The following AUTS2 variants were observed in gnomAD, a reference collection of about 807,000 sequenced individuals.
The protein encoded by AUTS2 is autism susceptibility gene 2 protein.
A neutral mutation model predicts 112.4 loss-of-function variants in AUTS2; 17 were observed. That is an observed-to-expected ratio of 0.15 (90% CI 0.10 to 0.23). The LOEUF is 0.23. Among genes scored for constraint, AUTS2 ranks in the 10% least tolerant of loss-of-function variants. The pLI, the probability that AUTS2 is intolerant of heterozygous loss-of-function variation, is 1.00. For missense variants in AUTS2, 1,510 were observed against 1,701.6 expected (o/e 0.89, Z 1.98); for synonymous variants, 751 against 702.7 (o/e 1.07, Z -1.09).
intron 1 of AUTS2, among the ~76,000 whole-genome samples, chr7:69,758,062 G>T (rs1788015850): frequency 6.6e-6 from 1 of 152,174 alleles, no homozygotes; most frequent in Non-Finnish European, 1.5e-5. Flanking sequence ...TTCTTGAAGG[G>T]TAAGGATGTG....
intron 1 of AUTS2, among the ~76,000 whole-genome samples, chr7:69,621,535 G>C (rs1472905490): frequency 1.3e-5 from 2 of 152,110 alleles, no homozygotes; most frequent in Non-Finnish European, 2.9e-5. Flanking sequence ...GGTAGAACAG[G>C]GATGTGGAAC....
At chr7:70,042,034 A>G (rs977207696) in intron 2 of AUTS2, among the ~76,000 whole-genome samples, 2 of 152,100 alleles carry the variant, frequency 1.3e-5, no homozygotes, top group African/African-American at 4.8e-5. Flanking sequence ...CCTCCTTGTA[A>G]GTTGTTGGTG....
intron 1 of AUTS2, among the ~76,000 whole-genome samples, chr7:69,790,559 G>A (rs1423067540): frequency 6.6e-6 from 1 of 152,198 alleles, no homozygotes; most frequent in Non-Finnish European, 1.5e-5. Context: ...GTGACCTTGA[G>A]TAAGCTATAA....
chr7:69,819,094 G>A (rs1790878929), intron 1 of AUTS2, among the ~76,000 whole-genome samples: 1 of 152,218 alleles, frequency 6.6e-6, no homozygotes, highest in African/African-American at 2.4e-5. Context: ...GGTACAGTGG[G>A]ACCCAGTAAG....
intron 2 of AUTS2, among the ~76,000 whole-genome samples, chr7:69,953,850 G>A (rs1266323989): frequency 6.6e-6 from 1 of 152,156 alleles, no homozygotes; most frequent in Non-Finnish European, 1.5e-5. Flanking sequence ...GGAAACAAGA[G>A]TTGTTTGGGC....
chr7:70,148,124 C>T lies in AUTS2; in HGVS notation c.660+13553C>T, dbSNP rs144174429. On this transcript the variant is annotated intron_variant, in intron 4 of 18. Coordinates refer to ENST00000342771, the MANE Select transcript of AUTS2 (RefSeq NM_015570.4). ...GAGCATTACTCACAAATAGGACATT[C>T]CAGACAAGATCTTCAAGATTTTTCA... Among the ~76,000 whole-genome samples, 1,082 of 152,040 alleles carry T rather than the reference C, an allele frequency of 7.1e-3. 11 individuals carry two copies. The highest frequency in any genetic ancestry group is 0.012 in the Non-Finnish European group (831 of 67,968).
chr7:69,927,086 C>T (rs943823569), intron 2 of AUTS2, among the ~76,000 whole-genome samples: 34 of 146,816 alleles, frequency 2.3e-4, no homozygotes, highest in African/African-American at 6.7e-4. Context: ...TCCACAAGGC[C>T]GCAAGAAAGA....
In AUTS2 at chr7:70,763,255, A is replaced by G; in HGVS notation, c.1128A>G (p.Pro376=). ...SPTQLLHQNL[P]PVQAHPSAQS... is the part of the protein sequence containing the mutation. ...CCCAGCTGCTCCATCAGAACCTCCC[A>G]CCTGTGCAGGCCCACCCCTCTGCTC... Residue 376 remains proline, a synonymous_variant, in exon 7 of 19, where the codon CCA becomes CCG. Coordinates refer to ENST00000342771, the MANE Select transcript of AUTS2 (RefSeq NM_015570.4). 1 of 1,613,274 alleles carries G rather than the reference A, an allele frequency of 6.2e-7. No individual in the cohort carries two copies. Among genetic ancestry groups the G allele is most frequent in the South Asian group, 1.1e-5 (1 of 90,954 alleles).
intron 2 of AUTS2, among the ~76,000 whole-genome samples, chr7:70,049,149 T>C (rs2129558950): frequency 6.6e-6 from 1 of 152,304 alleles, no homozygotes; most frequent in Non-Finnish European, 1.5e-5. Context: ...TCATGCATTA[T>C]TTAACCAGTT....
At chr7:70,510,898 G>C (rs1799154998) in intron 5 of AUTS2, among the ~76,000 whole-genome samples, 1 of 151,868 alleles carries the variant, frequency 6.6e-6, no homozygotes, top group Non-Finnish European at 1.5e-5. Flanking sequence ...ACCCAGGCTG[G>C]AGTGCGATGG....
At chr7:70,280,727 G>A (rs960707701) in intron 4 of AUTS2, among the ~76,000 whole-genome samples, 3 of 152,006 alleles carry the variant, frequency 2.0e-5, no homozygotes, top group African/African-American at 2.4e-5. Flanking sequence ...CCCCAACCCC[G>A]ACACAACAAT....
intron 1 of AUTS2, among the ~76,000 whole-genome samples, chr7:69,830,438 A>G (rs773593537): frequency 3.9e-5 from 6 of 152,186 alleles, no homozygotes; most frequent in Non-Finnish European, 8.8e-5. Context: ...ATAAAAATTC[A>G]GTATGTTTTC....
chr7:69,965,525 C>A (rs1797603231), intron 2 of AUTS2, among the ~76,000 whole-genome samples: 1 of 152,044 alleles, frequency 6.6e-6, no homozygotes, highest in Non-Finnish European at 1.5e-5. Context: ...CTATAGATGC[C>A]CCCAACCCAG....
At chr7:69,691,957 G>A (rs752370050) in intron 1 of AUTS2, among the ~76,000 whole-genome samples, 6 of 152,154 alleles carry the variant, frequency 3.9e-5, no homozygotes, top group Non-Finnish European at 5.9e-5. Context: ...ACCTGTGTAA[G>A]CTTCAGATGC....
At chr7:69,881,399 G>A (rs13228464) in intron 1 of AUTS2, among the ~76,000 whole-genome samples, 34,696 of 151,600 alleles carry the variant, frequency 0.23, 4,049 homozygotes, top group Middle Eastern at 0.31. Context: ...TTAGGCTCTG[G>A]CAGGAGGCCT....
intron 6 of AUTS2, among the ~76,000 whole-genome samples, chr7:70,740,654 C>T (rs1011213946): frequency 1.3e-5 from 2 of 151,960 alleles, no homozygotes; most frequent in African/African-American, 4.8e-5. Context: ...ATTATTCATG[C>T]TGTTTCAATA....
intron 1 of AUTS2, among the ~76,000 whole-genome samples, chr7:69,817,306 C>A (rs1202208064): frequency 6.6e-6 from 1 of 152,218 alleles, no homozygotes; most frequent in Admixed American, 6.5e-5. Flanking sequence ...TCTCTAGCAG[C>A]TCACCCTTGT....
intron 4 of AUTS2, among the ~76,000 whole-genome samples, chr7:70,379,511 A>AAAAG: frequency 2.0e-5 from 3 of 152,144 alleles, no homozygotes; most frequent in Non-Finnish European, 4.4e-5. Context: ...CAAAAAAAAA[A>AAAAG]AAAGAAAGAA....
At chr7:70,651,439 A>T (rs958997536) in intron 5 of AUTS2, among the ~76,000 whole-genome samples, 12 of 152,236 alleles carry the variant, frequency 7.9e-5, no homozygotes, top group Non-Finnish European at 1.8e-4. Flanking sequence ...CGTGGAAAAT[A>T]TTTTAAGTCA....
Sources: allele counts gnomAD v4.1 joint callset (sites outside exome capture counted in the v4.1 genomes callset), GRCh38; gene constraint gnomAD v4.1.1; transcripts MANE v1.5; gene names NCBI Gene and HGNC (gene_info 2026-07-23, HGNC 2026-07-21).